The following RNLS variants were observed in gnomAD, a reference collection of about 807,000 sequenced individuals.
RNLS encodes renalase.
RNLS carries 39 observed loss-of-function variants against 39.8 expected under a neutral mutation model. The ratio of observed to expected loss-of-function variants is 0.98; its 90% CI spans 0.76 to 1.28. The LOEUF (loss-of-function observed/expected upper bound fraction) is 1.28, where lower values mean the gene tolerates loss of function less well. RNLS is among the 50% of genes most tolerant of loss of function. The pLI, the probability that RNLS is intolerant of heterozygous loss-of-function variation, is 0.00. For missense variants in RNLS, 410 were observed against 413.3 expected, an observed-to-expected ratio of 0.99 and a Z score of 0.07; for synonymous variants, 147 against 150.7, an observed-to-expected ratio of 0.98 and a Z score of 0.18.
At chr10:88,258,463 T>G in the RNLS span, among the ~76,000 whole-genome samples, 1 of 152,196 alleles carries the variant, frequency 6.6e-6, no homozygotes, top group Non-Finnish European at 1.5e-5. Context: ...TCTCTTAGCT[T>G]TAGTTTTCCA....
chr10:88,321,356 A>T (rs1051952634), intron 5 of RNLS, among the ~76,000 whole-genome samples: 18 of 152,230 alleles, frequency 1.2e-4, no homozygotes. Flanking sequence ...AGATAGAAAG[A>T]TCTCAGATTA....
intron 4 of RNLS, among the ~76,000 whole-genome samples, chr10:88,556,251 T>C (rs1466908926): frequency 6.6e-6 from 1 of 152,136 alleles, no homozygotes; most frequent in Non-Finnish European, 1.5e-5. Context: ...AGCCATACTT[T>C]TGAAATCAAG....
chr10:88,460,454 C>CA (rs1842884843), intron 4 of RNLS, among the ~76,000 whole-genome samples: 1 of 152,070 alleles, frequency 6.6e-6, no homozygotes, highest in African/African-American at 2.4e-5. Flanking sequence ...CCAGATTATC[C>CA]ACCTGAGGTC....
chr10:88,413,585 G>A (rs1220435455), intron 4 of RNLS, among the ~76,000 whole-genome samples: 1 of 152,316 alleles, frequency 6.6e-6, no homozygotes, highest in East Asian at 1.9e-4. Flanking sequence ...AATGCTCGCT[G>A]TTCTATTTGT....
chr10:88,203,416 GTA>G, the RNLS span, among the ~76,000 whole-genome samples: 1 of 6,416 alleles, frequency 1.6e-4, no homozygotes, highest in African/African-American at 3.3e-4. Flanking sequence ...ATATATACAC[GTA>G]TGTGTATATA....
chr10:88,353,615 A>G (rs1424676156), intron 5 of RNLS, among the ~76,000 whole-genome samples: 1 of 152,164 alleles, frequency 6.6e-6, no homozygotes, highest in East Asian at 1.9e-4. Context: ...TTTGCTGAGG[A>G]GTGCTTTACT....
chr10:88,312,256 T>C (rs1388575333), intron 6 of RNLS, among the ~76,000 whole-genome samples: 1 of 151,808 alleles, frequency 6.6e-6, no homozygotes, highest in Non-Finnish European at 1.5e-5. Context: ...AAGGTCAGAG[T>C]GGAAGAAGGA....
the RNLS span, among the ~76,000 whole-genome samples, chr10:88,207,202 A>T: frequency 6.6e-6 from 1 of 152,158 alleles, no homozygotes; most frequent in South Asian, 2.1e-4. Context: ...AAAATTAAAA[A>T]CGTATGTTAC....
At chr10:88,322,229 A>G (rs746937324) in intron 5 of RNLS, among the ~76,000 whole-genome samples, 9 of 152,240 alleles carry the variant, frequency 5.9e-5, no homozygotes, top group African/African-American at 9.6e-5. Context: ...ATAAAATCCA[A>G]CATCCTTTCA....
At chr10:88,346,961 A>T (rs1464331527) in intron 5 of RNLS, among the ~76,000 whole-genome samples, 1 of 152,150 alleles carries the variant, frequency 6.6e-6, no homozygotes, top group East Asian at 1.9e-4. Context: ...CAGTGAGGAA[A>T]GTGGTGAAAT....
At chr10:88,542,051 T>C (rs1848074313) in intron 4 of RNLS, among the ~76,000 whole-genome samples, 1 of 152,156 alleles carries the variant, frequency 6.6e-6, no homozygotes, top group Non-Finnish European at 1.5e-5. Context: ...TATATGACTG[T>C]AAGAGCCCCT....
the RNLS span, among the ~76,000 whole-genome samples, chr10:88,255,249 T>A: frequency 6.6e-6 from 1 of 152,244 alleles, no homozygotes; most frequent in African/African-American, 2.4e-5. Flanking sequence ...TTGCTTCTAG[T>A]TGGTATATTC....
At chr10:88,327,072 A>G (rs1846672746) in intron 5 of RNLS, among the ~76,000 whole-genome samples, 1 of 152,056 alleles carries the variant, frequency 6.6e-6, no homozygotes, top group Non-Finnish European at 1.5e-5. Context: ...GAAGTAACTA[A>G]CCTGCTTTTA....
intron 4 of RNLS, among the ~76,000 whole-genome samples, chr10:88,468,154 C>T (rs1367226793): frequency 6.6e-6 from 1 of 152,148 alleles, no homozygotes; most frequent in Non-Finnish European, 1.5e-5. Context: ...AAGCTTTAAC[C>T]TCCTTAGAGA....
chr10:88,273,031 A>T (rs1259039392), downstream of RNLS, among the ~76,000 whole-genome samples: 1 of 152,136 alleles, frequency 6.6e-6, no homozygotes, highest in African/African-American at 2.4e-5. Flanking sequence ...GTTGGGATGC[A>T]CTGTTCTTGT....
At chr10:88,391,224 T>C (rs769912322) in intron 4 of RNLS, among the ~76,000 whole-genome samples, 7 of 152,218 alleles carry the variant, frequency 4.6e-5, no homozygotes, top group Non-Finnish European at 7.3e-5. Flanking sequence ...CCTTTCTTCT[T>C]CTTTAAATTA....
intron 4 of RNLS, among the ~76,000 whole-genome samples, chr10:88,501,324 C>T (rs1845472927): frequency 6.6e-6 from 1 of 152,088 alleles, no homozygotes; most frequent in Non-Finnish European, 1.5e-5. Context: ...CTACCTATAT[C>T]TCATAATTTG....
At chr10:88,431,719 T>A (rs1380526554) in intron 4 of RNLS, among the ~76,000 whole-genome samples, 1 of 151,774 alleles carries the variant, frequency 6.6e-6, no homozygotes, top group Non-Finnish European at 1.5e-5. Flanking sequence ...CCCTGTTGAC[T>A]TTCCCCTTGA....
intron 4 of RNLS, among the ~76,000 whole-genome samples, chr10:88,445,394 G>C (rs556633367): frequency 6.6e-6 from 1 of 152,300 alleles, no homozygotes; most frequent in South Asian, 2.1e-4. Flanking sequence ...TCAATGCTAG[G>C]AAGAAACTGC....
Sources: allele counts gnomAD v4.1 joint callset (sites outside exome capture counted in the v4.1 genomes callset), GRCh38; gene constraint gnomAD v4.1.1; transcripts MANE v1.5; gene names NCBI Gene and HGNC (gene_info 2026-07-23, HGNC 2026-07-21).